Variants in MYO1C observed in about 807,000 individuals in gnomAD.
The protein encoded by MYO1C is myosin IC.
A neutral mutation model predicts 150.8 loss-of-function variants in MYO1C; 104 were observed. The ratio of observed to expected loss-of-function variants is 0.69; its 90% CI spans 0.59 to 0.81. MYO1C has a LOEUF of 0.81. Ranked by LOEUF, MYO1C falls within the 30% of genes least tolerant of loss-of-function variation. The probability of loss-of-function intolerance (pLI) is 0.00; values close to 1 mark genes in which losing one functional copy is unlikely to be tolerated. For synonymous variants in MYO1C, 663 were observed against 579.9 expected, an observed-to-expected ratio of 1.14 and a Z score of -2.06; for missense variants, 1,504 against 1,435.0, an observed-to-expected ratio of 1.05 and a Z score of -0.78.
At chr17:1,470,802 G>T in intron 21 of MYO1C, 113 bp from the exon 22 acceptor site, 5 of 1,156,648 alleles carry the variant, frequency 4.3e-6, no homozygotes, top group East Asian at 2.5e-5. Flanking sequence ...AGGAACCAAC[G>T]AGCAGGAGGA....
Position 1,478,005 on chromosome 17 carries a change from G to A in MYO1C, c.1402-34C>T. ...CAGAAGGGAAGGAAGGGATCACCGT[G>A]GGGTCCTGGCACCCTCTCCCAGGGG... On this transcript the variant is annotated intron_variant, in intron 12 of 31. Coordinates refer to ENST00000648651, the MANE Select transcript of MYO1C (RefSeq NM_001080779.2). The surrounding 1 kb of genome is among the most constrained non-coding windows in gnomAD (Gnocchi z 6.3). 3.1e-6 allele frequency: 5 copies of A among 1,612,654 alleles called. No homozygotes were observed. The highest frequency in any genetic ancestry group is 2.2e-5 in the East Asian group (1 of 44,860).
At chr17:1,486,372 G>A (rs893660968) in intron 1 of MYO1C, among the ~76,000 whole-genome samples, 3 of 152,148 alleles carry the variant, frequency 2.0e-5, no homozygotes, top group Non-Finnish European at 4.4e-5. Context: ...CGAGCGCGCG[G>A]AGTACCCGGC....
chr17:1,481,021 G>A (rs1248002155), intron 5 of MYO1C, 136 bp from the exon 6 acceptor site: 11 of 920,244 alleles, frequency 1.2e-5, no homozygotes, highest in South Asian at 3.1e-5. Flanking sequence ...TAGCTGCGTC[G>A]GCTCAGGCAC....
chr17:1,477,179 CCTT>C (rs1254918033), intron 14 of MYO1C: 1 of 283,126 alleles, frequency 3.5e-6, no homozygotes, highest in African/African-American at 2.2e-5. Flanking sequence ...TATTTTTTTC[CCTT>C]TTTTTTTTTT....
At chr17:1,473,580 A>C (rs2074345965) in intron 17 of MYO1C, among the ~76,000 whole-genome samples, 1 of 151,648 alleles carries the variant, frequency 6.6e-6, no homozygotes, top group Non-Finnish European at 1.5e-5. Context: ...GGACTCACTG[A>C]CCTCACTCTT....
Position 1,465,530 on chromosome 17 carries a change from G to A in MYO1C, c.*196C>T, listed in dbSNP as rs2074151862. The A allele has an allele frequency of 7.9e-6, 4 of 506,240 alleles. No homozygotes were observed. The highest frequency in any genetic ancestry group is 4.2e-5 in the Admixed American group (1 of 23,606). 31.4% of individuals were successfully genotyped at this position (506,240 alleles called of 1,614,324 possible). A position where few individuals can be genotyped will look rare whatever the true frequency, so the allele number is the denominator to read the frequency against. ...CTGGCTTTCCTATTGCTGTGGCCCG[G>A]CCTGGCCCACTCCTGGGGTAGCTCC... On this transcript the variant is annotated 3_prime_UTR_variant, in exon 32 of 32. Transcript: ENST00000648651.
At chr17:1,484,065 G>A (rs1356402019) in intron 2 of MYO1C, 83 bp downstream of exon 2, 14 of 1,506,696 alleles carry the variant, frequency 9.3e-6, no homozygotes, top group South Asian at 5.9e-5. Context: ...AGTTTATCCC[G>A]GTGACCCTTG....
In MYO1C at chr17:1,480,756, G is replaced by T. The variant is rs773360384; in HGVS notation, c.757C>A (p.Arg253Ser). ...GGGTTCCGTTCCAAGCCCAGCCTGC[G>T]AAGAGTCTCCTCCTCGCCCCCCTCC... ...LLEGGEEETL[R>S]RLGLERNPQS... is the part of the protein sequence containing the mutation. The change falls in exon 6 of 32, where the codon CGC becomes AGC. Residue 253 changes from arginine (R) to serine (S), a missense_variant. Coordinates refer to ENST00000648651, the MANE Select transcript of MYO1C (RefSeq NM_001080779.2). The T allele has an allele frequency of 6.2e-7, 1 of 1,614,154 alleles. No individual in the cohort carries two copies. The highest frequency in any genetic ancestry group is 1.3e-5 in the African/African-American group (1 of 75,046).
intron 1 of MYO1C, 164 bp from the exon 2 acceptor site, chr17:1,484,467 G>T: frequency 1.3e-6 from 1 of 792,416 alleles, no homozygotes. Context: ...CTGAGGGCCT[G>T]GGTGTGGTGG....
Position 1,479,852 on chromosome 17 carries a change from AT to A in MYO1C, c.907-148del. 2 of 643,316 alleles carry A rather than the reference AT, an allele frequency of 3.1e-6. No individual in the cohort carries two copies. Among genetic ancestry groups the A allele is most frequent in the Non-Finnish European group, 5.5e-6 (2 of 361,490 alleles). 39.9% of individuals were successfully genotyped at this position (643,316 alleles called of 1,614,324 possible). On this transcript the variant is annotated intron_variant, in intron 7 of 31. Transcript: ENST00000648651. This position sits in a 1 kb window ranked among gnomAD's most constrained non-coding sequence, Gnocchi z 4.2. ...GAATGGGTGTTAAAGGTGGAAGGTG[AT>A]TCTGCGGGTGGGATGGGCACGGTGG...
At chr17:1,469,438 G>A (rs1489444766) in intron 25 of MYO1C, 93 bp downstream of exon 25, 1 of 1,190,494 alleles carries the variant, frequency 8.4e-7, no homozygotes, top group African/African-American at 1.5e-5. Context: ...CGGTAGACCG[G>A]GGTAAATGCC....
intron 25 of MYO1C, 177 bp from the exon 26 acceptor site, chr17:1,468,673 C>T (rs2074233525): frequency 1.6e-6 from 1 of 626,316 alleles, no homozygotes; most frequent in Non-Finnish European, 2.9e-6. Flanking sequence ...CACTTCCTGA[C>T]CCTCTGCCGC....
intron 1 of MYO1C, chr17:1,485,394 GC>G: frequency 9.5e-7 from 1 of 1,051,946 alleles, no homozygotes; most frequent in Non-Finnish European, 1.2e-6. Context: ...TGTCCTCACC[GC>G]CCCGCTCCAA....
chr17:1,485,226 A>G, intron 1 of MYO1C: 2 of 1,173,130 alleles, frequency 1.7e-6, no homozygotes, highest in South Asian at 1.6e-5. Context: ...TCCCTCTTCA[A>G]ACAGGGTCTC....
chr17:1,467,938 T>C (rs755532213), intron 28 of MYO1C, 28 bp from the exon 29 acceptor site: 32 of 1,611,866 alleles, frequency 2.0e-5, no homozygotes, highest in Admixed American at 3.3e-5. Context: ...AGGTCAGAGG[T>C]CGAGGGTCAG....
Position 1,478,321 on chromosome 17 carries a change from T to C in MYO1C, c.1295+89A>G. 1 of 1,578,658 alleles carries C rather than the reference T, an allele frequency of 6.3e-7. No homozygotes were observed. The highest frequency in any genetic ancestry group is 8.7e-7 in the Non-Finnish European group (1 of 1,149,212). ...AGACAGTCCCCGGCTGGCTGGGGAG[T>C]CACAGGGCAGGAATGAGAGGCTGGA... On this transcript the variant is annotated intron_variant, in intron 11 of 31. Coordinates refer to ENST00000648651, the MANE Select transcript of MYO1C (RefSeq NM_001080779.2). This position sits in a 1 kb window ranked among gnomAD's most constrained non-coding sequence, Gnocchi z 6.3.
rs745661338 is a variant in MYO1C at position 1,468,269 on chromosome 17, C to T, written c.2744G>A (p.Gly915Asp). The change falls in exon 27 of 32, where the codon GGC (glycine) becomes GAC (aspartate). Residue 915 changes from glycine (G) to aspartate (D), a missense_variant. Coordinates refer to ENST00000648651, the MANE Select transcript of MYO1C (RefSeq NM_001080779.2). The stretch of plus-strand genomic sequence containing the variant: ...GGCTCTTACCTGAATGGGCTCAGAG[C>T]CCAAGGCCTGCAGCACTCGGGGGCT... ...EISPRVLQAL[G>D]SEPIQYAVPV... The T allele has an allele frequency of 9.9e-6, 16 of 1,613,566 alleles. No homozygotes were observed. The East Asian group carries it at 3.1e-4, about 31-fold the overall frequency.
intron 14 of MYO1C, among the ~76,000 whole-genome samples, chr17:1,476,111 A>T (rs1432443508): frequency 1.3e-5 from 2 of 152,122 alleles, no homozygotes; most frequent in Non-Finnish European, 2.9e-5. Context: ...ACAAGTTTTT[A>T]GTATTTATTA....
chr17:1,479,570 G>T lies in MYO1C; in HGVS notation c.1020+22C>A. On this transcript the variant is annotated intron_variant, in intron 8 of 31. Transcript: ENST00000648651. This position sits in a 1 kb window ranked among gnomAD's most constrained non-coding sequence, Gnocchi z 4.2. ...CCCCCGCCCCCGCCGTCCTCCCGTC[G>T]CCCTCTGCCCGCCCCACTCACCCTG... The T allele has an allele frequency of 7.3e-7, 1 of 1,370,044 alleles. No individual in the cohort carries two copies. The allele number at this position is 1,370,044 out of a possible 1,614,324, so 84.9% of individuals were successfully genotyped here. A position where few individuals can be genotyped will look rare whatever the true frequency, so the allele number is the denominator to read the frequency against.
Sources: allele counts gnomAD v4.1 joint callset (sites outside exome capture counted in the v4.1 genomes callset), GRCh38; gene constraint gnomAD v4.1.1; non-coding constraint Gnocchi (gnomAD v3.1); transcripts MANE v1.5; gene names NCBI Gene and HGNC (gene_info 2026-07-23, HGNC 2026-07-21).